The following GTF2F2 variants were observed in gnomAD, a reference collection of about 807,000 sequenced individuals.
The protein encoded by GTF2F2 is ATP-dependent helicase GTF2F2.
In GTF2F2, 23 loss-of-function variants were observed where a neutral mutation model predicts 42.2. That is an observed-to-expected ratio of 0.55 (90% CI 0.39 to 0.77). The LOEUF (loss-of-function observed/expected upper bound fraction) is 0.77. Ranked by LOEUF, GTF2F2 falls within the 30% of genes least tolerant of loss-of-function variation. The pLI is 0.00. For synonymous variants in GTF2F2, 105 were observed against 100.8 expected (o/e 1.04, Z -0.25); for missense variants, 261 against 287.2 (o/e 0.91, Z 0.66).
intron 2 of GTF2F2, among the ~76,000 whole-genome samples, chr13:45,147,133 T>G (rs916147902): frequency 2.6e-5 from 4 of 152,232 alleles, no homozygotes; most frequent in Non-Finnish European, 5.9e-5. Flanking sequence ...TTGCATCTAG[T>G]TACCAAGACT....
At chr13:45,130,671 A>G (rs1869298482) in intron 1 of GTF2F2, among the ~76,000 whole-genome samples, 1 of 152,222 alleles carries the variant, frequency 6.6e-6, no homozygotes, top group South Asian at 2.1e-4. Context: ...AGAAAAAAAT[A>G]TTCAGGATGA....
intron 5 of GTF2F2, among the ~76,000 whole-genome samples, chr13:45,246,677 C>CT (rs924582674): frequency 8.5e-5 from 13 of 152,292 alleles, no homozygotes; most frequent in African/African-American, 2.6e-4. Flanking sequence ...ATTTAAAATA[C>CT]TTACGACAGT....
intron 4 of GTF2F2, among the ~76,000 whole-genome samples, chr13:45,175,087 T>C (rs1270457028): frequency 6.6e-6 from 1 of 152,218 alleles, no homozygotes; most frequent in East Asian, 1.9e-4. Context: ...TGTTAGCCAG[T>C]CCCTCCTTAT....
intron 5 of GTF2F2, 58 bp downstream of exon 5, chr13:45,207,563 C>T (rs1873470072): frequency 6.9e-6 from 7 of 1,015,016 alleles, no homozygotes; most frequent in Non-Finnish European, 9.4e-6. Context: ...GATTGAGATA[C>T]GTGTGTTATA....
At position 45,283,657 on chromosome 13, in the gene GTF2F2, G is replaced by A; in HGVS notation, c.*96G>A. 6 of 972,700 alleles carry A rather than the reference G, an allele frequency of 6.2e-6. No individual in the cohort carries two copies. Among genetic ancestry groups the A allele is most frequent in the South Asian group, 5.9e-5 (2 of 33,996 alleles). 60.3% of individuals were successfully genotyped at this position (972,700 alleles called of 1,614,324 possible). ...GGCTTGAACACCGTATGTTAATAGG[G>A]GTTAAGTGACAGTACTTTGATTTCT... On this transcript the variant is annotated 3_prime_UTR_variant, in exon 8 of 8. Coordinates refer to ENST00000340473, the MANE Select transcript of GTF2F2 (RefSeq NM_004128.3).
At chr13:45,162,295 G>C (rs1871076399) in intron 4 of GTF2F2, among the ~76,000 whole-genome samples, 2 of 152,184 alleles carry the variant, frequency 1.3e-5, no homozygotes, top group African/African-American at 4.8e-5. Context: ...TTGGCAGCTA[G>C]TGGTTCTTTC....
intron 1 of GTF2F2, among the ~76,000 whole-genome samples, chr13:45,122,475 A>G (rs1385034689): frequency 6.6e-6 from 1 of 151,998 alleles, no homozygotes; most frequent in African/African-American, 2.4e-5. Context: ...CTCTACTAAA[A>G]ATACAAAAAT....
chr13:45,258,301 G>A (rs757456444), intron 6 of GTF2F2, among the ~76,000 whole-genome samples: 1 of 151,914 alleles, frequency 6.6e-6, no homozygotes, highest in South Asian at 2.1e-4. Context: ...CCAAATGGAT[G>A]GGCTGGAGTT....
intron 4 of GTF2F2, among the ~76,000 whole-genome samples, chr13:45,155,775 C>T (rs1253802537): frequency 6.6e-6 from 1 of 151,966 alleles, no homozygotes; most frequent in Non-Finnish European, 1.5e-5. Context: ...TAATATTTTT[C>T]TGTTATTTTC....
intron 4 of GTF2F2, among the ~76,000 whole-genome samples, chr13:45,184,272 G>A (rs1478860681): frequency 6.6e-6 from 1 of 152,092 alleles, no homozygotes; most frequent in Non-Finnish European, 1.5e-5. Flanking sequence ...ATAGGGTGTG[G>A]CTGTTCCCTT....
chr13:45,140,480 T>C (rs1482622037), intron 2 of GTF2F2, among the ~76,000 whole-genome samples: 2 of 152,228 alleles, frequency 1.3e-5, no homozygotes, highest in African/African-American at 4.8e-5. Context: ...CACTGAATCT[T>C]CTGACTTTAG....
chr13:45,207,554 A>T (rs1270303142), intron 5 of GTF2F2, 49 bp downstream of exon 5: 1 of 1,114,040 alleles, frequency 9.0e-7, no homozygotes, highest in Non-Finnish European at 1.4e-6. Context: ...CCCTTTGGGG[A>T]TTGAGATACG....
intron 7 of GTF2F2, among the ~76,000 whole-genome samples, chr13:45,270,454 C>T (rs1319483460): frequency 1.3e-5 from 2 of 152,136 alleles, no homozygotes; most frequent in Non-Finnish European, 2.9e-5. Context: ...AGGCTTTTTA[C>T]ATCGCTTAGT....
chr13:45,259,880 G>A (rs1876264926), intron 6 of GTF2F2, among the ~76,000 whole-genome samples: 1 of 151,964 alleles, frequency 6.6e-6, no homozygotes, highest in African/African-American at 2.4e-5. Flanking sequence ...GTGAGCCACT[G>A]CGCCTGGCCA....
At chr13:45,257,457 A>T (rs533188720) in intron 6 of GTF2F2, among the ~76,000 whole-genome samples, 4 of 152,340 alleles carry the variant, frequency 2.6e-5, no homozygotes, top group African/African-American at 7.2e-5. Context: ...TTCTGTGTTT[A>T]AAAAACTTGT....
intron 1 of GTF2F2, among the ~76,000 whole-genome samples, chr13:45,125,610 C>G (rs570152401): frequency 6.6e-6 from 1 of 152,336 alleles, no homozygotes; most frequent in African/African-American, 2.4e-5. Context: ...GTGTGAGCCA[C>G]TGTGCCCAGC....
At chr13:45,180,386 C>A (rs1283343644) in intron 4 of GTF2F2, among the ~76,000 whole-genome samples, 1 of 152,104 alleles carries the variant, frequency 6.6e-6, no homozygotes, top group Admixed American at 6.5e-5. Flanking sequence ...TAGACTCATG[C>A]GTATTTTGTG....
At chr13:45,266,802 C>G (rs545014676) in intron 6 of GTF2F2, among the ~76,000 whole-genome samples, 80 of 152,312 alleles carry the variant, frequency 5.3e-4, no homozygotes, top group Non-Finnish European at 4.7e-4. Flanking sequence ...AACTACTGTT[C>G]AGAGGCCTGC....
At chr13:45,212,535 T>TTTCTCTCTCTCTCTCTCTCTTTCC (rs1873727472) in intron 5 of GTF2F2, among the ~76,000 whole-genome samples, 1 of 105,082 alleles carries the variant, frequency 9.5e-6, no homozygotes, top group South Asian at 2.6e-4. Context: ...TCTCTCTTTC[T>TTTCTCTCTCTCTCTCTCTCTTTCC]CACTTTCTCT....
Sources: allele counts gnomAD v4.1 joint callset (sites outside exome capture counted in the v4.1 genomes callset), GRCh38; gene constraint gnomAD v4.1.1; transcripts MANE v1.5; gene names NCBI Gene and HGNC (gene_info 2026-07-23, HGNC 2026-07-21).